SGPP2: variants seen among roughly 807,000 people sequenced by gnomAD.
The protein encoded by SGPP2 is sphingosine-1-phosphate phosphatase 2.
Under a neutral mutation model 33.9 loss-of-function variants are expected in SGPP2, and 30 were observed. The ratio of observed to expected loss-of-function variants is 0.89; its 90% CI spans 0.66 to 1.20. SGPP2 has a LOEUF of 1.20. Ranked by LOEUF, SGPP2 falls within the 50% of genes most tolerant of loss-of-function variation. The probability of loss-of-function intolerance (pLI) is 0.00; values close to 1 mark genes in which losing one functional copy is unlikely to be tolerated. For synonymous variants in SGPP2, 233 were observed against 225.0 expected (o/e 1.04, Z -0.32); for missense variants, 458 against 532.1 (o/e 0.86, Z 1.37).
chr2:222,479,466 G>A (rs1197008774), intron 2 of SGPP2, among the ~76,000 whole-genome samples: 2 of 145,452 alleles, frequency 1.4e-5, no homozygotes, highest in Admixed American at 7.0e-5. Context: ...GCAGTGGCGC[G>A]ATCTCGGCTC....
chr2:222,434,756 G>A (rs1441331639), intron 1 of SGPP2, among the ~76,000 whole-genome samples: 2 of 152,036 alleles, frequency 1.3e-5, no homozygotes, highest in East Asian at 3.9e-4. Flanking sequence ...GGGTGTGGTG[G>A]TGAATGCACA....
At position 222,476,819 on chromosome 2, in the gene SGPP2, GGT is replaced by G. The variant is rs538905732; in HGVS notation, c.378+2100_378+2101del. 4.6e-4 allele frequency among the ~76,000 whole-genome samples: 69 copies of G among 151,494 alleles called. 1 individual carries two copies. Among genetic ancestry groups the G allele is most frequent in the African/African-American group, 1.6e-3 (67 of 41,288 alleles). ...GTGTGTATATCCGTGCGTGTATATA[GGT>G]GTGTGTATATGTGTATGTGTGTATA... On this transcript the variant is annotated intron_variant, in intron 2 of 4. Transcript: ENST00000321276. This position sits in a 1 kb window ranked among gnomAD's most constrained non-coding sequence, Gnocchi z 4.3.
At chr2:222,453,982 A>G (rs927108667) in intron 1 of SGPP2, among the ~76,000 whole-genome samples, 2 of 152,236 alleles carry the variant, frequency 1.3e-5, no homozygotes, top group Non-Finnish European at 2.9e-5. Flanking sequence ...CAAGTTTTTA[A>G]CAATAGTACT....
intron 1 of SGPP2, among the ~76,000 whole-genome samples, chr2:222,434,981 C>T (rs201122154): frequency 0.16 from 2,029 of 12,506 alleles, 60 homozygotes; most frequent in Middle Eastern, 0.5. Flanking sequence ...TATATACACA[C>T]ACACACACAC....
chr2:222,503,688 G>A (rs887854580), intron 2 of SGPP2, among the ~76,000 whole-genome samples: 1 of 152,152 alleles, frequency 6.6e-6, no homozygotes, highest in African/African-American at 2.4e-5. Flanking sequence ...CTTGATGGCA[G>A]CAATGGTATT....
At chr2:222,547,883 A>G (rs935554658) in intron 4 of SGPP2, among the ~76,000 whole-genome samples, 1 of 152,190 alleles carries the variant, frequency 6.6e-6, no homozygotes, top group Non-Finnish European at 1.5e-5. Context: ...TAAAATGAAT[A>G]TGTGTGAAAG....
At chr2:222,467,438 A>G (rs770097667) in intron 1 of SGPP2, among the ~76,000 whole-genome samples, 3 of 152,160 alleles carry the variant, frequency 2.0e-5, no homozygotes, top group African/African-American at 7.2e-5. Context: ...TCTGTGTGCT[A>G]TGTACTCTTA....
At chr2:222,437,299 T>C (rs562169679) in intron 1 of SGPP2, among the ~76,000 whole-genome samples, 1 of 152,330 alleles carries the variant, frequency 6.6e-6, no homozygotes, top group East Asian at 1.9e-4. Flanking sequence ...TGGCCACTTC[T>C]TCCATTCAAA....
At position 222,460,013 on chromosome 2, in the gene SGPP2, A is replaced by G. The variant is rs1398809032; in HGVS notation, c.220-14555A>G. On this transcript the variant is annotated intron_variant, in intron 1 of 4. Coordinates refer to ENST00000321276, the MANE Select transcript of SGPP2 (RefSeq NM_152386.4). The surrounding 1 kb of genome is among the most constrained non-coding windows in gnomAD (Gnocchi z 4.3). ...TTTGACAAGCTCTGTTTCCTTGGGC[A>G]TAGGAACCACAGTCCCTGTTTTCAG... 3.3e-5 allele frequency among the ~76,000 whole-genome samples: 5 copies of G among 152,204 alleles called. No individual in the cohort carries two copies. The highest frequency in any genetic ancestry group is 1.3e-4 in the Admixed American group (2 of 15,288).
chr2:222,470,413 C>T (rs1489023895), intron 1 of SGPP2, among the ~76,000 whole-genome samples: 1 of 152,092 alleles, frequency 6.6e-6, no homozygotes, highest in Non-Finnish European at 1.5e-5. Flanking sequence ...CTAAGAAATC[C>T]TTGGGGTGTC....
intron 2 of SGPP2, among the ~76,000 whole-genome samples, chr2:222,495,470 T>C (rs1018846189): frequency 1.3e-5 from 2 of 152,132 alleles, no homozygotes; most frequent in Non-Finnish European, 2.9e-5. Context: ...TATATTCAAA[T>C]TTTCTCCTGC....
chr2:222,505,317 C>T (rs1372073226), intron 2 of SGPP2, among the ~76,000 whole-genome samples: 1 of 152,102 alleles, frequency 6.6e-6, no homozygotes, highest in East Asian at 1.9e-4. Flanking sequence ...AACTATGATT[C>T]CCAAAGTGCC....
At chr2:222,479,559 C>T (rs773957910) in intron 2 of SGPP2, among the ~76,000 whole-genome samples, 41 of 151,708 alleles carry the variant, frequency 2.7e-4, no homozygotes, top group Non-Finnish European at 2.9e-5. Context: ...CCCACCCCCA[C>T]GCCCGGCTAA....
intron 4 of SGPP2, among the ~76,000 whole-genome samples, chr2:222,546,799 A>T (rs942882346): frequency 5.2e-4 from 77 of 149,364 alleles, no homozygotes; most frequent in African/African-American, 1.8e-3. Context: ...TATAATTCAG[A>T]CGTTTTTATT....
chr2:222,443,320 G>A (rs1235207338), intron 1 of SGPP2, among the ~76,000 whole-genome samples: 1 of 151,996 alleles, frequency 6.6e-6, no homozygotes, highest in Non-Finnish European at 1.5e-5. Flanking sequence ...CGATCCCATC[G>A]CCCAAGGTAG....
chr2:222,497,271 T>TA lies in SGPP2; in HGVS notation c.378+22546dup, dbSNP rs1553538222. On this transcript the variant is annotated intron_variant, in intron 2 of 4. Transcript: ENST00000321276. Reference sequence around the variant, plus strand: ...TCTTCTTTTTTTTTTTTTTTTTTTTTAGACGGAGTCTTGCTCTGTCGCCCA... The same window carrying TA: ...TCTTCTTTTTTTTTTTTTTTTTTTTTAAGACGGAGTCTTGCTCTGTCGCCCA... Among the ~76,000 whole-genome samples the TA allele has an allele frequency of 5.2e-4, 78 of 150,250 alleles. 1 individual carries two copies. Among genetic ancestry groups the TA allele is most frequent in the Non-Finnish European group, 8.6e-4 (58 of 67,522 alleles).
intron 2 of SGPP2, among the ~76,000 whole-genome samples, chr2:222,492,851 A>G (rs1328189600): frequency 6.6e-6 from 1 of 152,206 alleles, no homozygotes; most frequent in Non-Finnish European, 1.5e-5. Flanking sequence ...GGTAGGGGCA[A>G]AATGCCAGCA....
rs1276716400 is a variant in SGPP2 at position 222,558,566 on chromosome 2, G to C, written c.868G>C (p.Gly290Arg). The C allele has an allele frequency of 4.3e-6, 7 of 1,614,036 alleles. No individual in the cohort carries two copies. The highest frequency in any genetic ancestry group is 5.9e-6 in the Non-Finnish European group (7 of 1,180,024). Residue 290 changes from glycine to arginine, a missense_variant, in exon 5 of 5, where the codon GGA becomes CGA. By Grantham distance (125) the Gly-to-Arg change is moderately radical (BLOSUM62 -2). Coordinates refer to ENST00000321276, the MANE Select transcript of SGPP2 (RefSeq NM_152386.4). ...GGCTGCCGGGGCTGGAGTGACCATA[G>C]GATTCTGGATCAACCATTTCTTCCA... ...ILAAGAGVTI[G>R]FWINHFFQLV...
chr2:222,483,188 T>A (rs1308711302), intron 2 of SGPP2, among the ~76,000 whole-genome samples: 1 of 152,264 alleles, frequency 6.6e-6, no homozygotes, highest in Non-Finnish European at 1.5e-5. Context: ...ACAGTACACT[T>A]GAAATGCATA....
Sources: gnomAD v4.1 joint callset for allele counts (sites outside exome capture counted in the v4.1 genomes callset) on GRCh38, gnomAD v4.1.1 for gene constraint, Gnocchi (gnomAD v3.1) non-coding constraint, MANE v1.5 for transcripts, NCBI Gene and HGNC (gene_info 2026-07-23, HGNC 2026-07-21) for gene names.